Variants in GPC6 observed in about 807,000 individuals in gnomAD.
The protein encoded by GPC6 is glypican-6.
Under a neutral mutation model 55.2 loss-of-function variants are expected in GPC6, and 14 were observed. The ratio of observed to expected loss-of-function variants is 0.25; its 90% CI spans 0.17 to 0.40. The LOEUF (loss-of-function observed/expected upper bound fraction) is 0.40. Among genes scored for constraint, GPC6 ranks in the 10% least tolerant of loss-of-function variants. The pLI, the probability that GPC6 is intolerant of heterozygous loss-of-function variation, is 1.00. For missense variants in GPC6, 641 were observed against 708.5 expected, an observed-to-expected ratio of 0.90 and a Z score of 1.08; for synonymous variants, 278 against 259.6, an observed-to-expected ratio of 1.07 and a Z score of -0.68.
At chr13:93,706,978 C>T (rs887273660) in intron 2 of GPC6, among the ~76,000 whole-genome samples, 6 of 151,850 alleles carry the variant, frequency 4.0e-5, no homozygotes, top group South Asian at 2.1e-4. Context: ...AACTGGGCGA[C>T]GTAGGTGTTG....
chr13:93,705,418 A>AT (rs1454722367), intron 2 of GPC6, among the ~76,000 whole-genome samples: 12 of 151,956 alleles, frequency 7.9e-5, no homozygotes, highest in African/African-American at 2.7e-4. Flanking sequence ...ATGCCCTAGT[A>AT]TTTTGTCTTT....
chr13:93,259,634 GTTA>G (rs1360845627), intron 1 of GPC6, among the ~76,000 whole-genome samples: 2 of 151,868 alleles, frequency 1.3e-5, no homozygotes, highest in Non-Finnish European at 2.9e-5. Flanking sequence ...CAGTCAGTTT[GTTA>G]TTATAGGGAA....
At chr13:94,271,075 CA>C (rs1175830214) in intron 4 of GPC6, among the ~76,000 whole-genome samples, 6 of 143,030 alleles carry the variant, frequency 4.2e-5, no homozygotes, top group South Asian at 2.3e-4. Flanking sequence ...CTGCAAGCTC[CA>C]GCTTCCCAGG....
intron 3 of GPC6, among the ~76,000 whole-genome samples, chr13:94,009,186 T>C (rs1455968838): frequency 6.6e-6 from 1 of 152,188 alleles, no homozygotes; most frequent in Non-Finnish European, 1.5e-5. Context: ...GAATAAATCT[T>C]TGGATAAATA....
At chr13:94,219,880 G>T (rs1207557256) in intron 4 of GPC6, among the ~76,000 whole-genome samples, 2 of 152,122 alleles carry the variant, frequency 1.3e-5, no homozygotes, top group Non-Finnish European at 2.9e-5. Flanking sequence ...GCTTCCAAAA[G>T]TTTGTCATTC....
At chr13:94,172,379 CTA>C (rs1299639962) in intron 4 of GPC6, among the ~76,000 whole-genome samples, 3 of 152,160 alleles carry the variant, frequency 2.0e-5, no homozygotes, top group African/African-American at 7.2e-5. Flanking sequence ...TTAAATTTCT[CTA>C]TCTGTAAAAT....
chr13:94,185,057 G>T (rs140712327), intron 4 of GPC6, among the ~76,000 whole-genome samples: 2 of 152,036 alleles, frequency 1.3e-5, no homozygotes, highest in African/African-American at 4.8e-5. Flanking sequence ...ACCAAATGCC[G>T]TATGTTCTCA....
intron 4 of GPC6, among the ~76,000 whole-genome samples, chr13:94,034,963 G>A (rs1883283278): frequency 1.3e-5 from 2 of 150,672 alleles, no homozygotes; most frequent in South Asian, 4.2e-4. Context: ...ACTAAAGTAC[G>A]ACTTATGCCT....
chr13:93,225,529 G>C (rs1476947571), upstream of GPC6, among the ~76,000 whole-genome samples: 2 of 148,262 alleles, frequency 1.3e-5, no homozygotes, highest in African/African-American at 2.6e-5. Flanking sequence ...TTTTGGTTTT[G>C]TTTTGTCTTG....
At chr13:94,306,199 T>C in intron 6 of GPC6, 76 bp downstream of exon 6, 1 of 1,534,418 alleles carries the variant, frequency 6.5e-7, no homozygotes, top group South Asian at 1.1e-5. Flanking sequence ...CCCAGGAGAT[T>C]CTGGAAAAGT....
the GPC6 span, among the ~76,000 whole-genome samples, chr13:93,217,413 T>C: frequency 6.6e-6 from 1 of 152,228 alleles, no homozygotes. Flanking sequence ...TAAAGTATTT[T>C]TTATGTGTGC....
At chr13:93,558,847 T>A (rs1875611271) in intron 2 of GPC6, among the ~76,000 whole-genome samples, 1 of 152,184 alleles carries the variant, frequency 6.6e-6, no homozygotes, top group South Asian at 2.1e-4. Context: ...CAAAATATGC[T>A]CAAGTGGTTC....
chr13:94,328,187 AAGTC>A (rs1877222569), intron 6 of GPC6, among the ~76,000 whole-genome samples: 1 of 152,136 alleles, frequency 6.6e-6, no homozygotes. Context: ...GGGCCACACT[AAGTC>A]AGCCAGTGGG....
At chr13:93,790,778 T>C (rs1886006468) in intron 2 of GPC6, among the ~76,000 whole-genome samples, 1 of 152,168 alleles carries the variant, frequency 6.6e-6, no homozygotes, top group South Asian at 2.1e-4. Flanking sequence ...CATATTCACA[T>C]GAGTTATACT....
At chr13:93,501,145 T>G (rs1880506577) in intron 1 of GPC6, among the ~76,000 whole-genome samples, 1 of 152,130 alleles carries the variant, frequency 6.6e-6, no homozygotes, top group South Asian at 2.1e-4. Context: ...AACCAATACA[T>G]TGTTTAATTA....
intron 2 of GPC6, among the ~76,000 whole-genome samples, chr13:93,739,788 C>T (rs192794067): frequency 5.9e-4 from 90 of 152,232 alleles, no homozygotes; most frequent in Non-Finnish European, 9.9e-4. Context: ...CTAACACTAG[C>T]GTAGGGATTT....
chr13:94,082,542 T>C (rs1885136865), intron 4 of GPC6, among the ~76,000 whole-genome samples: 1 of 152,162 alleles, frequency 6.6e-6, no homozygotes, highest in Non-Finnish European at 1.5e-5. Context: ...ACGCTTCAGA[T>C]AGTGACATCT....
chr13:93,542,733 C>T (rs144094661), intron 1 of GPC6, among the ~76,000 whole-genome samples: 47 of 152,224 alleles, frequency 3.1e-4, no homozygotes, highest in African/African-American at 1.0e-3. Flanking sequence ...TTGAAGAGGT[C>T]CATCACGTCC....
intron 2 of GPC6, among the ~76,000 whole-genome samples, chr13:93,786,476 A>T (rs895943012): frequency 3.9e-5 from 6 of 152,122 alleles, no homozygotes; most frequent in African/African-American, 1.2e-4. Context: ...CTGAGTGGTC[A>T]TGATTACAAT....
Sources: gnomAD v4.1 joint callset for allele counts (sites outside exome capture counted in the v4.1 genomes callset) on GRCh38, gnomAD v4.1.1 for gene constraint, MANE v1.5 for transcripts, NCBI Gene and HGNC (gene_info 2026-07-23, HGNC 2026-07-21) for gene names.